Variants in TRAPPC12 observed in about 807,000 individuals in gnomAD.
TRAPPC12 encodes the protein trafficking protein particle complex subunit 12.
Under a neutral mutation model 69.2 loss-of-function variants are expected in TRAPPC12, and 61 were observed. The ratio of observed to expected loss-of-function variants is 0.88; its 90% CI spans 0.72 to 1.09. TRAPPC12 has a LOEUF of 1.09. TRAPPC12 is among the 50% of genes least tolerant of loss of function. TRAPPC12 has a pLI of 0.00. For missense variants in TRAPPC12, 1,101 were observed against 1,016.4 expected (o/e 1.08, Z -1.13); for synonymous variants, 469 against 438.9 (o/e 1.07, Z -0.86).
rs554825365 is a variant in TRAPPC12, at chr2:3,472,958, C to T, written c.1777-4737C>T. ...ACTTGATAGGATCGTTGCTGACAGCCGGCCAGGGTGGTAGGATCTCCAGGT... is the reference window on the plus strand; with the variant it reads ...ACTTGATAGGATCGTTGCTGACAGCTGGCCAGGGTGGTAGGATCTCCAGGT... On this transcript the variant is annotated intron_variant, in intron 9 of 11. Coordinates refer to ENST00000324266, the MANE Select transcript of TRAPPC12 (RefSeq NM_016030.6). 2.8e-4 allele frequency among the ~76,000 whole-genome samples: 42 copies of T among 152,218 alleles called. 1 individual carries two copies. The highest frequency in any genetic ancestry group is 9.2e-4 in the African/African-American group (38 of 41,520).
rs753059207 is a variant in TRAPPC12 at position 3,388,678 on chromosome 2, C to T, written c.1047+8C>T. The stretch of plus-strand genomic sequence containing the variant: ...AGGTTCGACAACATCCAGGTGAGCC[C>T]GGGTCTCCCACCTCCGCAGCCCGTG... On this transcript the variant is annotated splice_region_variant and intron_variant, in intron 2 of 11. Transcript: ENST00000324266. 10 of 1,532,296 alleles carry T rather than the reference C, an allele frequency of 6.5e-6. No individual in the cohort carries two copies. The African/African-American group carries it at 1.1e-4, about 17-fold the overall frequency. 94.9% of individuals were successfully genotyped at this position (1,532,296 alleles called of 1,614,324 possible).
chr2:3,435,160 A>G (rs1438178184), intron 5 of TRAPPC12, among the ~76,000 whole-genome samples: 1 of 151,982 alleles, frequency 6.6e-6, no homozygotes, highest in African/African-American at 2.4e-5. Context: ...TTATAGGCGC[A>G]TGCCACCACG....
rs148146301 is a variant in TRAPPC12 at position 3,446,108 on chromosome 2, A to G, written c.1530+2217A>G. On this transcript the variant is annotated intron_variant, in intron 6 of 11. Coordinates refer to ENST00000324266, the MANE Select transcript of TRAPPC12 (RefSeq NM_016030.6). The stretch of plus-strand genomic sequence containing the variant: ...GCCACCGTCAGTGAGAGAGCCACTC[A>G]TGCTTCTCGTTCCCTCCGCTGGTCT... Among the ~76,000 whole-genome samples the G allele has an allele frequency of 5.0e-3, 767 of 152,332 alleles. 5 individuals are homozygous for G. The highest frequency in any genetic ancestry group is 0.018 in the African/African-American group (736 of 41,580).
chr2:3,380,320 C>G (rs1558332277), intron 1 of TRAPPC12, among the ~76,000 whole-genome samples: 1 of 152,190 alleles, frequency 6.6e-6, no homozygotes, highest in East Asian at 1.9e-4. Flanking sequence ...CCCTGCCAAA[C>G]TCAGCATTGT....
chr2:3,473,130 T>C (rs1666135615), intron 9 of TRAPPC12, among the ~76,000 whole-genome samples: 1 of 152,176 alleles, frequency 6.6e-6, no homozygotes, highest in Non-Finnish European at 1.5e-5. Flanking sequence ...AATTTATGCA[T>C]TGACAGCCTG....
At chr2:3,402,876 C>G (rs944448467) in intron 3 of TRAPPC12, among the ~76,000 whole-genome samples, 2 of 152,194 alleles carry the variant, frequency 1.3e-5, no homozygotes, top group Admixed American at 1.3e-4. Context: ...CTAGCTCATC[C>G]ACACGGTTGC....
chr2:3,458,387 TCTC>T (rs938819336), intron 7 of TRAPPC12: 41 of 985,728 alleles, frequency 4.2e-5, no homozygotes, highest in Non-Finnish European at 4.7e-5. Context: ...GGCCTGGTCA[TCTC>T]CTCCTTCCCA....
chr2:3,471,363 C>T (rs1026264410), intron 9 of TRAPPC12, among the ~76,000 whole-genome samples: 1 of 152,164 alleles, frequency 6.6e-6, no homozygotes, highest in Non-Finnish European at 1.5e-5. Context: ...TCTCCCCCCT[C>T]GGCCTCGTCC....
At chr2:3,464,825 G>A (rs963680409) in intron 8 of TRAPPC12, among the ~76,000 whole-genome samples, 41 of 152,374 alleles carry the variant, frequency 2.7e-4, no homozygotes, top group Admixed American at 2.5e-3. Flanking sequence ...GTGATGGGCC[G>A]GCATGAGTGG....
intron 3 of TRAPPC12, 35 bp from the exon 4 acceptor site, chr2:3,421,846 G>A (rs1471839552): frequency 2.5e-6 from 4 of 1,581,236 alleles, no homozygotes; most frequent in East Asian, 4.5e-5. Flanking sequence ...TGCCTTGCAT[G>A]TGTGTTTGGT....
chr2:3,406,679 G>A (rs937935724), intron 3 of TRAPPC12, among the ~76,000 whole-genome samples: 1 of 152,186 alleles, frequency 6.6e-6, no homozygotes, highest in Non-Finnish European at 1.5e-5. Context: ...TGTTCCCAAG[G>A]GTGTGGGCGT....
intron 9 of TRAPPC12, chr2:3,466,487 C>A: frequency 2.3e-6 from 1 of 432,824 alleles, no homozygotes; most frequent in Non-Finnish European, 4.9e-6. Context: ...AAGTGATATC[C>A]AGCTACAGGA....
intron 1 of TRAPPC12, among the ~76,000 whole-genome samples, chr2:3,383,605 C>G (rs2103417202): frequency 6.6e-6 from 1 of 151,758 alleles, no homozygotes; most frequent in Non-Finnish European, 1.5e-5. Flanking sequence ...CGGGGTTTTA[C>G]CATGTCGGCC....
chr2:3,403,744 C>T (rs1661581299), intron 3 of TRAPPC12, among the ~76,000 whole-genome samples: 1 of 152,168 alleles, frequency 6.6e-6, no homozygotes, highest in South Asian at 2.1e-4. Context: ...TGTGTGAAAA[C>T]AGTAATATGT....
At chr2:3,476,787 C>A (rs530172651) in intron 9 of TRAPPC12, among the ~76,000 whole-genome samples, 1 of 152,112 alleles carries the variant, frequency 6.6e-6, no homozygotes, top group South Asian at 2.1e-4. Context: ...GGAGGTGAGC[C>A]GCGCGCATTC....
chr2:3,444,737 T>A (rs1664418695), intron 6 of TRAPPC12, among the ~76,000 whole-genome samples: 1 of 152,222 alleles, frequency 6.6e-6, no homozygotes, highest in Non-Finnish European at 1.5e-5. Flanking sequence ...AAGATGATGG[T>A]GTTAACAGTG....
rs933141982 is a variant in TRAPPC12 at position 3,479,425 on chromosome 2, G to A, written c.2172G>A (p.Gly724=). ...TGGAGGCTGTCGCCGGCAAGGAGGG[G>A]GACAGCTTCAACACACAGTGCCTCA... is the stretch of plus-strand genomic sequence containing the variant. ...ALLEAVAGKE[G]DSFNTQCLKL... is the part of the protein sequence containing the mutation. Residue 724 remains glycine, a synonymous_variant, in exon 12 of 12, where the codon GGG becomes GGA. Transcript: ENST00000324266. 1 of 1,614,042 alleles carries A rather than the reference G, an allele frequency of 6.2e-7. No individual in the cohort carries two copies. Among genetic ancestry groups the A allele is most frequent in the East Asian group, 2.2e-5 (1 of 44,888 alleles).
At chr2:3,429,962 A>T (rs568233134) in intron 5 of TRAPPC12, among the ~76,000 whole-genome samples, 44 of 152,366 alleles carry the variant, frequency 2.9e-4, no homozygotes, top group African/African-American at 9.9e-4. Context: ...GGCAGTCACA[A>T]TCATGGTTTG....
At chr2:3,415,396 C>CTTCTTTTCTTTTCTTTTCTT (rs56696245) in intron 3 of TRAPPC12, among the ~76,000 whole-genome samples, 159 of 150,572 alleles carry the variant, frequency 1.1e-3, no homozygotes, top group African/African-American at 3.6e-3. Context: ...GGTGCATTCA[C>CTTCTTTTCTTTTCTTTTCTT]TTCTTTTCTT....
Sources: allele counts gnomAD v4.1 joint callset (sites outside exome capture counted in the v4.1 genomes callset), GRCh38; gene constraint gnomAD v4.1.1; transcripts MANE v1.5; gene names NCBI Gene and HGNC (gene_info 2026-07-23, HGNC 2026-07-21).